Variants in PAXIP1 observed in about 807,000 individuals in gnomAD.
The protein encoded by PAXIP1 is PAX interacting protein 1, also known as PAX-interacting protein 1.
A neutral mutation model predicts 140.6 loss-of-function variants in PAXIP1; 19 were observed. The ratio of observed to expected loss-of-function variants is 0.14; its 90% CI spans 0.09 to 0.20. The LOEUF is 0.20. PAXIP1 is among the 10% of genes least tolerant of loss of function. The pLI, the probability that PAXIP1 is intolerant of heterozygous loss-of-function variation, is 1.00. For synonymous variants in PAXIP1, 442 were observed against 444.6 expected (o/e 0.99, Z 0.07); for missense variants, 920 against 1,208.6 (o/e 0.76, Z 3.54).
intron 12 of PAXIP1, among the ~76,000 whole-genome samples, chr7:154,960,518 A>G (rs915536705): frequency 2.0e-5 from 3 of 152,218 alleles, no homozygotes; most frequent in African/African-American, 7.2e-5. Flanking sequence ...GAGTTCATCA[A>G]AAGCAAACAA....
chr7:154,969,210 T>C (rs1160501652), intron 6 of PAXIP1, 84 bp from the exon 7 acceptor site: 46 of 1,358,226 alleles, frequency 3.4e-5, no homozygotes, highest in Non-Finnish European at 9.7e-7. Context: ...GAATGGCATA[T>C]CCTATTTATT....
chr7:154,961,669 A>G, intron 10 of PAXIP1, 21 bp from the exon 11 acceptor site: 1 of 1,563,566 alleles, frequency 6.4e-7, no homozygotes, highest in Non-Finnish European at 8.7e-7. Context: ...AAGAGAAAAT[A>G]AGGTAAACAC....
In PAXIP1 at chr7:154,986,072, A is replaced by AG. The variant is rs776166405; in HGVS notation, c.325-2741dup. 5 of 1,365,078 alleles carry AG rather than the reference A, an allele frequency of 3.7e-6. No individual in the cohort carries two copies. The highest frequency in any genetic ancestry group is 4.9e-6 in the Non-Finnish European group (5 of 1,021,300). The allele number at this position is 1,365,078 out of a possible 1,614,324, so 84.6% of individuals were successfully genotyped here. A position where few individuals can be genotyped will look rare whatever the true frequency, so the allele number is the denominator to read the frequency against. The stretch of plus-strand genomic sequence containing the variant: ...CATCAATACCGGGTCAGAAGAAGGC[A>AG]GATGATCTCTGTGCTTCCCAACTTC... On this transcript the variant is annotated intron_variant, in intron 4 of 20. Coordinates refer to ENST00000404141, the MANE Select transcript of PAXIP1 (RefSeq NM_007349.4). The surrounding 1 kb of genome is among the most constrained non-coding windows in gnomAD (Gnocchi z 4.8).
intron 6 of PAXIP1, chr7:154,974,589 C>T (rs1208363178): frequency 6.6e-6 from 1 of 152,226 alleles, no homozygotes; most frequent in African/African-American, 2.4e-5. Context: ...AAGTCACCTC[C>T]TGCCCGAGGT....
chr7:154,959,971 GTTGT>G, intron 12 of PAXIP1, 38 bp from the exon 13 acceptor site: 1 of 1,429,098 alleles, frequency 7.0e-7, no homozygotes, highest in East Asian at 2.3e-5. Flanking sequence ...TGATAGATAC[GTTGT>G]TTAAATAAAA....
In PAXIP1 at chr7:154,976,095, T is replaced by G; in HGVS notation, c.675A>C (p.Glu225Asp). The change falls in exon 6 of 21, where the codon GAA becomes GAC. Residue 225 changes from glutamate to aspartate, a missense_variant. Transcript: ENST00000404141. ...DEKSSPASSQ[E>D]GSPSGDQQFS... Reference sequence around the variant, plus strand: ...ACTGCTGGTCACCTGAAGGAGACCCTTCTTGAGAGCTGGCAGGGCTTGACT... The same window carrying G: ...ACTGCTGGTCACCTGAAGGAGACCCGTCTTGAGAGCTGGCAGGGCTTGACT... 6.3e-7 allele frequency: 1 copy of G among 1,575,524 alleles called. No individual in the cohort carries two copies. The highest frequency in any genetic ancestry group is 8.6e-7 in the Non-Finnish European group (1 of 1,158,802).
At chr7:154,960,821 A>T in intron 12 of PAXIP1, 72 bp downstream of exon 12, 1 of 1,130,154 alleles carries the variant, frequency 8.8e-7, no homozygotes, top group Admixed American at 3.2e-5. Flanking sequence ...ATTAGTATGA[A>T]TAAAAAGATG....
At chr7:154,988,683 A>C (rs1026088849) in intron 4 of PAXIP1, among the ~76,000 whole-genome samples, 1 of 152,172 alleles carries the variant, frequency 6.6e-6, no homozygotes, top group Non-Finnish European at 1.5e-5. Flanking sequence ...AAATGCCCAT[A>C]GGACTCCCTG....
Position 154,983,343 on chromosome 7 carries a change from GT to G in PAXIP1, c.325-12del. On this transcript the variant is annotated splice_polypyrimidine_tract_variant and intron_variant, in intron 4 of 20. Transcript: ENST00000404141. Reference sequence around the variant, plus strand: ...GTCTTCAGATGACACCTGACAGAAAGTTAGAAAGAAGGCTTTTACCATACAT... The same window carrying G: ...GTCTTCAGATGACACCTGACAGAAAGTAGAAAGAAGGCTTTTACCATACAT... 7.1e-7 allele frequency: 1 copy of G among 1,402,872 alleles called. No individual in the cohort carries two copies. The highest frequency in any genetic ancestry group is 1.0e-6 in the Non-Finnish European group (1 of 990,844). 86.9% of individuals were successfully genotyped at this position (1,402,872 alleles called of 1,614,324 possible). A position where few individuals can be genotyped will look rare whatever the true frequency, so the allele number is the denominator to read the frequency against.
In PAXIP1 at chr7:154,959,380, C is replaced by G. The variant is rs150121933; in HGVS notation, c.2478+510G>C. 1.5e-3 allele frequency among the ~76,000 whole-genome samples: 229 copies of G among 152,330 alleles called. 1 individual carries two copies. Among genetic ancestry groups the G allele is most frequent in the South Asian group, 0.01 (50 of 4,830 alleles). ...TCAGTCGAACAGTGAGAAGTCACAG[C>G]AGACAAAGTCTAAACTGAAAAATTA... On this transcript the variant is annotated intron_variant, in intron 13 of 20. Transcript: ENST00000404141.
Position 154,973,098 on chromosome 7 carries a change from C to T in PAXIP1, c.1074+2598G>A, listed in dbSNP as rs1809406585. 6.6e-6 allele frequency among the ~76,000 whole-genome samples: 1 copy of T among 152,208 alleles called. No individual in the cohort carries two copies. On this transcript the variant is annotated intron_variant, in intron 6 of 20. Coordinates refer to ENST00000404141, the MANE Select transcript of PAXIP1 (RefSeq NM_007349.4). This position sits in a 1 kb window ranked among gnomAD's most constrained non-coding sequence, Gnocchi z 4.0. ...GCTCCTTCTGTGCATCTACCTTTTC[C>T]CTAAACTCGGCTGACCCCAGCGCTC...
chr7:155,000,058 C>T (rs1239590944), intron 1 of PAXIP1: 2 of 152,164 alleles, frequency 1.3e-5, no homozygotes, highest in African/African-American at 2.4e-5. Context: ...GACATGGTGC[C>T]CACAAAGCTC....
rs765116672 is a variant in PAXIP1 at position 154,961,508 on chromosome 7, G to A, written c.2249+19C>T. Reference sequence around the variant, plus strand: ...GTGTGTAAATTTATGATTAAAAACAGTTTCGAAAATTTGCTTACTCTTTAC... The same window carrying A: ...GTGTGTAAATTTATGATTAAAAACAATTTCGAAAATTTGCTTACTCTTTAC... On this transcript the variant is annotated intron_variant, in intron 11 of 20. Coordinates refer to ENST00000404141, the MANE Select transcript of PAXIP1 (RefSeq NM_007349.4). 5.1e-6 allele frequency: 8 copies of A among 1,566,614 alleles called. No homozygotes were observed. The African/African-American group carries it at 9.5e-5, about 19-fold the overall frequency.
chr7:154,977,669 T>TA (rs1477903407), intron 5 of PAXIP1, among the ~76,000 whole-genome samples: 2 of 152,328 alleles, frequency 1.3e-5, no homozygotes, highest in East Asian at 3.9e-4. Flanking sequence ...AAAATGAATG[T>TA]AATCATAATC....
intron 6 of PAXIP1, among the ~76,000 whole-genome samples, chr7:154,970,086 G>A (rs1809228637): frequency 6.6e-6 from 1 of 152,100 alleles, no homozygotes. Flanking sequence ...ATCCTATAGG[G>A]CACTGAATAC....
At chr7:154,975,114 G>A (rs1809509480) in intron 6 of PAXIP1, among the ~76,000 whole-genome samples, 4 of 143,492 alleles carry the variant, frequency 2.8e-5, no homozygotes, top group South Asian at 2.2e-4. Flanking sequence ...CAGAGATCAT[G>A]CAACTGCACT....
Position 154,975,946 on chromosome 7 carries a change from G to A in PAXIP1, c.824C>T (p.Ala275Val), listed in dbSNP as rs1809550495. ...CTGAGGCAGCCTGCGTTTTGCTGCA[G>A]CTAACTGTGGGACTTCGGCCGGGGT... Reference protein sequence around the residue: ...NWTPAEVPQLAAAKRRLPQGK... With the variant: ...NWTPAEVPQLVAAKRRLPQGK... Residue 275 changes from alanine to valine, a missense_variant, in exon 6 of 21, where the codon GCT becomes GTT. Ala to Val is a moderately conservative substitution (Grantham distance 64). This residue lies in a region of PAXIP1 where 419 missense variants were observed against 514.7 expected (regional missense o/e 0.81). Transcript: ENST00000404141. The A allele has an allele frequency of 6.2e-7, 1 of 1,613,806 alleles. No homozygotes were observed. The highest frequency in any genetic ancestry group is 1.3e-5 in the African/African-American group (1 of 74,916).
chr7:154,950,085 C>T (rs1808207119), intron 16 of PAXIP1: 1 of 151,960 alleles, frequency 6.6e-6, no homozygotes, highest in South Asian at 2.1e-4. Flanking sequence ...AAATGAGTAT[C>T]CTAGAAATTG....
chr7:154,952,009 G>A lies in PAXIP1; in HGVS notation c.2821+2246C>T, dbSNP rs186086455. 8 of 152,206 alleles carry A rather than the reference G, an allele frequency of 5.3e-5. No homozygotes were observed. The East Asian group carries it at 1.3e-3, about 26-fold the overall frequency. The allele number at this position is 152,206 out of a possible 1,614,324, so 9.4% of individuals were successfully genotyped here. On this transcript the variant is annotated intron_variant, in intron 16 of 20. Coordinates refer to ENST00000404141, the MANE Select transcript of PAXIP1 (RefSeq NM_007349.4). The stretch of plus-strand genomic sequence containing the variant: ...AAGTACACTTACTATTTCTATTAAC[G>A]AATAGACTATCTCCTTCTAAACTGT...
Sources: gnomAD v4.1 joint callset for allele counts (sites outside exome capture counted in the v4.1 genomes callset) on GRCh38, gnomAD v4.1.1 for gene constraint, gnomAD v4.1.1 regional missense constraint, Gnocchi (gnomAD v3.1) non-coding constraint, MANE v1.5 for transcripts, NCBI Gene and HGNC (gene_info 2026-07-23, HGNC 2026-07-21) for gene names.